Variants in RASSF3 observed in about 807,000 individuals in gnomAD.
RASSF3 encodes Ras association domain family member 3, also known as ras association domain-containing protein 3.
RASSF3 carries 19 observed loss-of-function variants against 19.9 expected under a neutral mutation model. That is an observed-to-expected ratio of 0.96 (90% CI 0.67 to 1.40). The LOEUF (loss-of-function observed/expected upper bound fraction) is 1.40. Among genes scored for constraint, RASSF3 ranks in the 40% most tolerant of loss-of-function variants. The pLI, the probability that RASSF3 is intolerant of heterozygous loss-of-function variation, is 0.00. For missense variants in RASSF3, 306 were observed against 289.8 expected (o/e 1.06, Z -0.41); for synonymous variants, 110 against 104.2 (o/e 1.06, Z -0.34).
chr12:64,569,692 G>C (rs1869486655), intron 2 of RASSF3, among the ~76,000 whole-genome samples: 1 of 152,146 alleles, frequency 6.6e-6, no homozygotes, highest in African/African-American at 2.4e-5. Context: ...TAAGCTGGGC[G>C]CAGTGGCTCA....
intron 1 of RASSF3, among the ~76,000 whole-genome samples, chr12:64,659,534 T>C (rs535242764): frequency 6.6e-6 from 1 of 152,246 alleles, no homozygotes; most frequent in Non-Finnish European, 1.5e-5. Context: ...TCTGTGAATT[T>C]TACAATAAAT....
intron 2 of RASSF3, among the ~76,000 whole-genome samples, chr12:64,556,823 G>A (rs1160241834): frequency 7.0e-6 from 1 of 143,446 alleles, no homozygotes; most frequent in Non-Finnish European, 1.5e-5. Flanking sequence ...TTCCATCCCT[G>A]CCCCCTACCC....
chr12:64,537,166 T>C (rs556816794), intron 1 of RASSF3, among the ~76,000 whole-genome samples: 1 of 152,334 alleles, frequency 6.6e-6, no homozygotes, highest in South Asian at 2.1e-4. Flanking sequence ...TCTCCCTCAA[T>C]GCTCACCTTC....
chr12:64,570,522 G>A (rs1869501062), intron 2 of RASSF3, among the ~76,000 whole-genome samples: 1 of 152,158 alleles, frequency 6.6e-6, no homozygotes, highest in Non-Finnish European at 1.5e-5. Context: ...TCTGAAATGT[G>A]TTTTGCATTT....
At chr12:64,555,477 C>T (rs889052185) in intron 2 of RASSF3, among the ~76,000 whole-genome samples, 2 of 151,816 alleles carry the variant, frequency 1.3e-5, no homozygotes, top group African/African-American at 2.4e-5. Context: ...CGGCCGGGCA[C>T]GGTGGCTCAC....
intron 2 of RASSF3, among the ~76,000 whole-genome samples, chr12:64,588,080 C>G (rs1869845679): frequency 6.6e-6 from 1 of 152,068 alleles, no homozygotes; most frequent in Admixed American, 6.6e-5. Context: ...CTTTACATCC[C>G]CCCACAACCT....
At chr12:64,576,824 C>T (rs1869602687) in intron 2 of RASSF3, among the ~76,000 whole-genome samples, 1 of 140,780 alleles carries the variant, frequency 7.1e-6, no homozygotes, top group Non-Finnish European at 1.5e-5. Flanking sequence ...GCACTCCAGC[C>T]TGGGCAATGG....
At chr12:64,563,065 C>T (rs1410563106) in intron 2 of RASSF3, among the ~76,000 whole-genome samples, 1 of 152,224 alleles carries the variant, frequency 6.6e-6, no homozygotes, top group East Asian at 1.9e-4. Context: ...CATCATCTCA[C>T]TCATACCAAT....
chr12:64,677,143 CTCTG>C (rs1183415999), intron 1 of RASSF3, among the ~76,000 whole-genome samples: 1 of 152,154 alleles, frequency 6.6e-6, no homozygotes, highest in Non-Finnish European at 1.5e-5. Flanking sequence ...TCATTTACAC[CTCTG>C]TCTATTATAG....
At chr12:64,670,567 G>T (rs1180150325) in intron 1 of RASSF3, among the ~76,000 whole-genome samples, 1 of 149,986 alleles carries the variant, frequency 6.7e-6, no homozygotes, top group African/African-American at 2.4e-5. Flanking sequence ...TTTTTGTGGG[G>T]GGGATCTTTT....
rs56100965 is a variant in RASSF3 at position 64,559,246 on chromosome 12, C to CTT, written c.294+17555_294+17556dup. ...GTCCATTTTCTTTTCTTCTTTTTTTCTTTTTTTTTTTTTTTGAGGCGGAGT... is the reference window on the plus strand; with the variant it reads ...GTCCATTTTCTTTTCTTCTTTTTTTCTTTTTTTTTTTTTTTTTGAGGCGGAGT... On this transcript the variant is annotated intron_variant, in intron 2 of 5. Transcript: ENST00000637125. Among the ~76,000 whole-genome samples the CTT allele has an allele frequency of 5.7e-3, 808 of 140,782 alleles. 6 individuals carry two copies. The highest frequency in any genetic ancestry group is 0.019 in the African/African-American group (747 of 38,472). 92.4% of individuals were successfully genotyped at this position (140,782 alleles called of 152,430 possible). A position where few individuals can be genotyped will look rare whatever the true frequency, so the allele number is the denominator to read the frequency against.
At chr12:64,515,684 ATTAT>A (rs1049139260) in intron 1 of RASSF3, 21 of 152,186 alleles carry the variant, frequency 1.4e-4, no homozygotes, top group African/African-American at 5.1e-4. Context: ...GGCTTTTAAA[ATTAT>A]TTATTTGTTT....
rs565661851 is a variant in RASSF3, at chr12:64,696,743, A to G, written c.*1831A>G. 55 of 152,312 alleles carry G rather than the reference A, an allele frequency of 3.6e-4. No homozygotes were observed. The highest frequency in any genetic ancestry group is 1.3e-3 in the African/African-American group (54 of 41,556). 9.4% of individuals were successfully genotyped at this position (152,312 alleles called of 1,614,324 possible). A position where few individuals can be genotyped will look rare whatever the true frequency, so the allele number is the denominator to read the frequency against. ...ATCATATCTTCCTAAGCATTTAAGG[A>G]AAGTTGAAAAAAATAGAATTAGCTA... On this transcript the variant is annotated 3_prime_UTR_variant, in exon 5 of 5. Coordinates refer to ENST00000542104, the MANE Select transcript of RASSF3 (RefSeq NM_178169.4).
At chr12:64,560,988 T>C (rs1202960297) in intron 2 of RASSF3, among the ~76,000 whole-genome samples, 1 of 152,218 alleles carries the variant, frequency 6.6e-6, no homozygotes, top group Non-Finnish European at 1.5e-5. Flanking sequence ...AATGAGTCTG[T>C]ATTAGTAAAG....
chr12:64,627,368 A>G lies in RASSF3; in HGVS notation c.111+16625A>G, dbSNP rs111545391. 5.9e-3 allele frequency among the ~76,000 whole-genome samples: 900 copies of G among 152,292 alleles called. 9 individuals are homozygous for G. Among genetic ancestry groups the G allele is most frequent in the African/African-American group, 0.02 (825 of 41,550 alleles). ...CTTTAAATTGCTTTATGAATTGATG[A>G]TTGTGTTTATGAAGCACTGGTGATT... On this transcript the variant is annotated intron_variant, in intron 1 of 4. Coordinates refer to ENST00000542104, the MANE Select transcript of RASSF3 (RefSeq NM_178169.4).
downstream of RASSF3, among the ~76,000 whole-genome samples, chr12:64,546,356 C>T (rs1869054209): frequency 1.3e-5 from 2 of 152,032 alleles, no homozygotes; most frequent in Non-Finnish European, 2.9e-5. Context: ...CTGCAAGCTC[C>T]GCCTCCCGGG....
At chr12:64,636,591 C>A (rs867826865) in intron 1 of RASSF3, among the ~76,000 whole-genome samples, 1 of 151,740 alleles carries the variant, frequency 6.6e-6, no homozygotes, top group Admixed American at 6.6e-5. Flanking sequence ...AGTAGCCGGG[C>A]GCGGTGGCTC....
At chr12:64,678,656 A>AAAAAAAC (rs1872999241) in intron 1 of RASSF3, among the ~76,000 whole-genome samples, 1 of 150,340 alleles carries the variant, frequency 6.7e-6, no homozygotes. Flanking sequence ...ACCAAAAAAA[A>AAAAAAAC]AAAAAAAAAC....
chr12:64,509,134 T>C lies in RASSF3; in HGVS notation c.169+1805T>C, dbSNP rs532820704. Among the ~76,000 whole-genome samples the C allele has an allele frequency of 9.9e-5, 15 of 152,170 alleles. No homozygotes were observed. In the South Asian group the frequency reaches 3.1e-3, roughly 32 times the overall value. Reference sequence around the variant, plus strand: ...CAAAAGAACTTAAGAAAAATCATCTTCACCAATTGCTTCATTTTAAAGATA... The same window carrying C: ...CAAAAGAACTTAAGAAAAATCATCTCCACCAATTGCTTCATTTTAAAGATA... On this transcript the variant is annotated intron_variant, in intron 1 of 5. Transcript: ENST00000637125.
Sources: gnomAD v4.1 joint callset for allele counts (sites outside exome capture counted in the v4.1 genomes callset) on GRCh38, gnomAD v4.1.1 for gene constraint, MANE v1.5 for transcripts, NCBI Gene and HGNC (gene_info 2026-07-23, HGNC 2026-07-21) for gene names.